The following RARB variants were observed in gnomAD, a reference collection of about 807,000 sequenced individuals.
RARB encodes retinoic acid receptor beta.
Under a neutral mutation model 51.9 loss-of-function variants are expected in RARB, and 17 were observed. The ratio of observed to expected loss-of-function variants is 0.33; its 90% CI spans 0.22 to 0.49. RARB has a LOEUF of 0.49. RARB is among the 20% of genes least tolerant of loss of function. The probability of loss-of-function intolerance (pLI) is 0.99; values close to 1 mark genes in which losing one functional copy is unlikely to be tolerated. For missense variants in RARB, 369 were observed against 550.8 expected, an observed-to-expected ratio of 0.67 and a Z score of 3.30; for synonymous variants, 215 against 195.4, an observed-to-expected ratio of 1.10 and a Z score of -0.84.
intron 5 of RARB, among the ~76,000 whole-genome samples, chr3:25,269,568 G>C (rs1423274647): frequency 1.3e-5 from 2 of 152,174 alleles, no homozygotes; most frequent in Non-Finnish European, 2.9e-5. Flanking sequence ...TGAAGATCCA[G>C]TAAGTTAATA....
chr3:25,275,436 A>G (rs1258256341), intron 5 of RARB, among the ~76,000 whole-genome samples: 1 of 152,188 alleles, frequency 6.6e-6, no homozygotes, highest in Non-Finnish European at 1.5e-5. Flanking sequence ...ACTCCAGCCT[A>G]GGTGACAGAG....
rs569160543 is a variant in RARB at position 25,582,231 on chromosome 3, T to C, written c.786+1509T>C. ...GAATGAAAATTACTGGGCCTTTTAA[T>C]GCTTTCCTGACAAGAACTTAAAATG... is the stretch of plus-strand genomic sequence containing the variant. On this transcript the variant is annotated intron_variant, in intron 5 of 7. Coordinates refer to ENST00000330688, the MANE Select transcript of RARB (RefSeq NM_000965.5). Among the ~76,000 whole-genome samples the C allele has an allele frequency of 3.9e-5, 6 of 152,330 alleles. No homozygotes were observed. The South Asian group carries it at 1.2e-3, about 32-fold the overall frequency.
At chr3:25,205,050 C>T (rs1701501979) in intron 5 of RARB, among the ~76,000 whole-genome samples, 1 of 152,306 alleles carries the variant, frequency 6.6e-6, no homozygotes, top group East Asian at 1.9e-4. Flanking sequence ...AGGCAGACCT[C>T]CTTGAGCTGT....
chr3:25,163,157 C>T (rs1700500075), intron 4 of RARB, among the ~76,000 whole-genome samples: 1 of 152,104 alleles, frequency 6.6e-6, no homozygotes, highest in Non-Finnish European at 1.5e-5. Flanking sequence ...ATTTAGAGTC[C>T]AGTCAAATCT....
intron 2 of RARB, among the ~76,000 whole-genome samples, chr3:24,919,567 G>A (rs1443817408): frequency 6.6e-6 from 1 of 152,104 alleles, no homozygotes; most frequent in African/African-American, 2.4e-5. Context: ...CTTTCACCAC[G>A]TGGCTGCACT....
chr3:25,548,642 C>CA (rs35411774), intron 3 of RARB, among the ~76,000 whole-genome samples: 2,678 of 73,474 alleles, frequency 0.036, 77 homozygotes, highest in African/African-American at 0.11. Context: ...CCTCCCCCGA[C>CA]AAAAAAAAAA....
intron 5 of RARB, among the ~76,000 whole-genome samples, chr3:25,185,698 G>A (rs934111598): frequency 6.6e-6 from 1 of 152,068 alleles, no homozygotes; most frequent in African/African-American, 2.4e-5. Flanking sequence ...AAATCTCTGA[G>A]ACATAAAGTG....
chr3:24,921,083 A>G (rs1216786315), intron 2 of RARB, among the ~76,000 whole-genome samples: 3 of 152,284 alleles, frequency 2.0e-5, no homozygotes, highest in East Asian at 3.9e-4. Flanking sequence ...TGTCTGTTCT[A>G]TAGACAGTGA....
chr3:25,338,631 C>T (rs530009955), intron 5 of RARB, among the ~76,000 whole-genome samples: 2 of 152,200 alleles, frequency 1.3e-5, no homozygotes, highest in African/African-American at 4.8e-5. Context: ...GCAAACCAAA[C>T]TCATCTGCAC....
chr3:25,317,217 G>C (rs939697857), intron 5 of RARB, among the ~76,000 whole-genome samples: 1 of 152,078 alleles, frequency 6.6e-6, no homozygotes, highest in African/African-American at 2.4e-5. Context: ...CACAGGGAAG[G>C]CATTAAATAA....
intron 5 of RARB, among the ~76,000 whole-genome samples, chr3:25,291,640 G>T (rs1321145352): frequency 6.6e-6 from 1 of 151,994 alleles, no homozygotes; most frequent in Non-Finnish European, 1.5e-5. Context: ...CATAAATCAA[G>T]GAAATGGCCC....
intron 1 of RARB, among the ~76,000 whole-genome samples, chr3:25,456,686 G>T (rs201745140): frequency 0.18 from 16,065 of 87,318 alleles, 981 homozygotes; most frequent in African/African-American, 0.22. Context: ...TATATATAGA[G>T]AGAGAGAGAG....
chr3:25,046,024 G>T (rs1373741681), intron 2 of RARB, among the ~76,000 whole-genome samples: 4 of 152,218 alleles, frequency 2.6e-5, no homozygotes, highest in Admixed American at 2.6e-4. Flanking sequence ...CATACCCAGG[G>T]CATAGGCCAA....
intron 1 of RARB, among the ~76,000 whole-genome samples, chr3:25,456,676 TATATATAG>T (rs1157909408): frequency 0.016 from 1,874 of 113,630 alleles, 10 homozygotes; most frequent in African/African-American, 0.042. Flanking sequence ...TATATATATA[TATATATAG>T]AGAGAGAGAG....
rs117621728 is a variant in RARB, at chr3:25,575,847, G to A, written c.610-4699G>A. On this transcript the variant is annotated intron_variant, in intron 4 of 7. Transcript: ENST00000330688. ...CTTTTTGAGGAACACAGTTTAACCC[G>A]TAACAAACAGTAACACCTAGTGAGT... Among the ~76,000 whole-genome samples, 518 of 152,236 alleles carry A rather than the reference G, an allele frequency of 3.4e-3. 6 individuals carry two copies. The highest frequency in any genetic ancestry group is 0.023 in the Admixed American group (353 of 15,296).
intron 1 of RARB, among the ~76,000 whole-genome samples, chr3:24,852,039 T>C (rs1702566724): frequency 6.6e-6 from 1 of 152,220 alleles, no homozygotes; most frequent in Non-Finnish European, 1.5e-5. Flanking sequence ...GGCATTGAAT[T>C]CAGATTTTCC....
chr3:25,513,667 C>A (rs1475150172), intron 3 of RARB, among the ~76,000 whole-genome samples: 1 of 151,724 alleles, frequency 6.6e-6, no homozygotes, highest in Non-Finnish European at 1.5e-5. Flanking sequence ...AAACTACACA[C>A]ACACACACAC....
chr3:25,333,302 C>T (rs1227372864), intron 5 of RARB, among the ~76,000 whole-genome samples: 1 of 152,220 alleles, frequency 6.6e-6, no homozygotes, highest in Non-Finnish European at 1.5e-5. Context: ...GTAACCAAAA[C>T]AGCATGGTAC....
chr3:24,850,316 G>A (rs1471316190), intron 1 of RARB, among the ~76,000 whole-genome samples: 1 of 152,208 alleles, frequency 6.6e-6, no homozygotes, highest in Non-Finnish European at 1.5e-5. Flanking sequence ...AGGTAGAGCT[G>A]AGTAGTTGTG....
Sources: allele counts gnomAD v4.1 joint callset (sites outside exome capture counted in the v4.1 genomes callset), GRCh38; gene constraint gnomAD v4.1.1; transcripts MANE v1.5; gene names NCBI Gene and HGNC (gene_info 2026-07-23, HGNC 2026-07-21).